The following DMD variants were observed in gnomAD, a reference collection of about 807,000 sequenced individuals.
DMD encodes mutant dystrophin.
A neutral mutation model predicts 330.1 loss-of-function variants in DMD; 63 were observed. The ratio of observed to expected loss-of-function variants is 0.19; its 90% CI spans 0.16 to 0.24. DMD has a LOEUF of 0.24. DMD is among the 10% of genes least tolerant of loss of function. The pLI, the probability that DMD is intolerant of heterozygous loss-of-function variation, is 1.00. For synonymous variants in DMD, 1,223 were observed against 959.8 expected, an observed-to-expected ratio of 1.27 and a Z score of -5.07; for missense variants, 3,344 against 2,684.1, an observed-to-expected ratio of 1.25 and a Z score of -5.43.
chrX:31,614,563 T>C (rs1264736802), intron 55 of DMD, among the ~76,000 whole-genome samples: 1 of 111,993 alleles, frequency 8.9e-6, no homozygotes, highest in Non-Finnish European at 1.9e-5. Context: ...TGTTGCTTTC[T>C]CACTATCAAG....
intron 17 of DMD, among the ~76,000 whole-genome samples, chrX:32,530,193 A>T (rs1057444072): frequency 1.4e-4 from 16 of 112,453 alleles, no homozygotes; most frequent in African/African-American, 4.8e-4. Flanking sequence ...CGAATTATAT[A>T]CTTAGTATGT....
At chrX:32,575,888 T>C (rs927830187) in intron 13 of DMD, among the ~76,000 whole-genome samples, 1 of 111,893 alleles carries the variant, frequency 8.9e-6, no homozygotes, top group Non-Finnish European at 1.9e-5. Flanking sequence ...AAAAAGACTT[T>C]CAAGTATATA....
chrX:31,409,644 C>T (rs2061552866), intron 60 of DMD, among the ~76,000 whole-genome samples: 1 of 111,940 alleles, frequency 8.9e-6, no homozygotes, highest in Non-Finnish European at 1.9e-5. Context: ...ATAAAATCAG[C>T]AGTCTTCTAC....
chrX:31,635,934 T>C (rs766627750), intron 54 of DMD, among the ~76,000 whole-genome samples: 21 of 112,098 alleles, frequency 1.9e-4, no homozygotes, highest in Non-Finnish European at 3.4e-4. Context: ...TGGCTATCAC[T>C]AAATAGTCAA....
chrX:32,485,655 C>A (rs2042360068), intron 20 of DMD, among the ~76,000 whole-genome samples: 1 of 104,095 alleles, frequency 9.6e-6, no homozygotes, highest in South Asian at 4.4e-4. Flanking sequence ...ATGTACACAC[C>A]CAAATATAAA....
At chrX:32,897,170 A>G (rs755830119) in intron 2 of DMD, among the ~76,000 whole-genome samples, 1 of 111,963 alleles carries the variant, frequency 8.9e-6, no homozygotes, top group African/African-American at 3.2e-5. Context: ...GAAGTTCAAA[A>G]CAAGGCTTTG....
At chrX:31,601,391 C>T (rs1484157302) in intron 55 of DMD, among the ~76,000 whole-genome samples, 1 of 112,277 alleles carries the variant, frequency 8.9e-6, no homozygotes, top group African/African-American at 3.2e-5. Context: ...ATATGGCTGA[C>T]CATAGACAAG....
intron 19 of DMD, among the ~76,000 whole-genome samples, chrX:32,499,422 A>C (rs775332016): frequency 1.8e-5 from 2 of 111,580 alleles, no homozygotes; most frequent in Non-Finnish European, 3.8e-5. Context: ...GCATAATAAT[A>C]TGAGTGGTTT....
At chrX:32,252,877 A>T (rs868558234) in intron 43 of DMD, among the ~76,000 whole-genome samples, 25 of 58,793 alleles carry the variant, frequency 4.3e-4, no homozygotes, top group African/African-American at 1.3e-3. Flanking sequence ...TAAATATATA[A>T]AAATATATAT....
chrX:32,549,001 TGA>T (rs777503664), intron 16 of DMD, among the ~76,000 whole-genome samples: 1 of 112,185 alleles, frequency 8.9e-6, no homozygotes, highest in South Asian at 3.7e-4. Flanking sequence ...ATTTTGATTA[TGA>T]GTCTATTTAA....
intron 52 of DMD, among the ~76,000 whole-genome samples, chrX:31,716,204 C>G (rs1353445276): frequency 1.8e-5 from 2 of 112,044 alleles, no homozygotes; most frequent in African/African-American, 6.5e-5. Flanking sequence ...GTATCTCTAG[C>G]TGAACCACCA....
chrX:31,778,756 A>C (rs2090837845), intron 50 of DMD, among the ~76,000 whole-genome samples: 1 of 109,666 alleles, frequency 9.1e-6, no homozygotes, highest in South Asian at 3.9e-4. Context: ...ACTTTAGTGG[A>C]GACGGGGTTT....
chrX:31,800,013 G>A (rs765290597), intron 50 of DMD, among the ~76,000 whole-genome samples: 9 of 112,651 alleles, frequency 8.0e-5, no homozygotes, highest in Non-Finnish European at 1.3e-4. Context: ...GCTTTGCAGG[G>A]TACAGCCCCC....
intron 78 of DMD, among the ~76,000 whole-genome samples, chrX:31,124,451 C>T (rs1292949453): frequency 9.0e-6 from 1 of 111,343 alleles, no homozygotes; most frequent in Non-Finnish European, 1.9e-5. Context: ...TTCTATTATC[C>T]ATGTGTGTAA....
At chrX:31,525,349 C>T (rs375843978) in intron 55 of DMD, among the ~76,000 whole-genome samples, 2 of 111,845 alleles carry the variant, frequency 1.8e-5, no homozygotes, top group African/African-American at 3.2e-5. Context: ...GTAATGTCTA[C>T]GTTACTTACA....
intron 19 of DMD, among the ~76,000 whole-genome samples, chrX:32,497,743 A>T (rs2043642952): frequency 9.0e-6 from 1 of 111,729 alleles, no homozygotes; most frequent in African/African-American, 3.2e-5. Context: ...AGATAAAAAC[A>T]GACATATGTT....
At chrX:32,973,019 C>T (rs1028382289) in intron 2 of DMD, among the ~76,000 whole-genome samples, 2 of 111,654 alleles carry the variant, frequency 1.8e-5, no homozygotes, top group African/African-American at 6.5e-5. Context: ...ATAATAAGAG[C>T]TATATAATGT....
At chrX:32,060,682 C>T (rs749009003) in intron 44 of DMD, among the ~76,000 whole-genome samples, 33 of 111,608 alleles carry the variant, frequency 3.0e-4, no homozygotes, top group Admixed American at 8.6e-4. Flanking sequence ...TACAATGTTC[C>T]TAGTGATAGA....
chrX:32,343,081 G>T (rs1308944149), intron 40 of DMD, 53 bp downstream of exon 40: 9 of 1,090,546 alleles, frequency 8.3e-6, no homozygotes, highest in African/African-American at 5.4e-5. Flanking sequence ...ATCTTCACAG[G>T]TTAATTAAAC....
Sources: allele counts gnomAD v4.1 joint callset (sites outside exome capture counted in the v4.1 genomes callset), GRCh38; gene constraint gnomAD v4.1.1; transcripts MANE v1.5; gene names NCBI Gene and HGNC (gene_info 2026-07-23, HGNC 2026-07-21).